Variants in CYFIP1 observed in about 807,000 individuals in gnomAD.
The protein encoded by CYFIP1 is cytoplasmic FMR1 interacting protein 1, also known as cytoplasmic FMR1-interacting protein 1.
Under a neutral mutation model 163.5 loss-of-function variants are expected in CYFIP1, and 58 were observed. That is an observed-to-expected ratio of 0.35 (90% CI 0.29 to 0.44). The LOEUF (loss-of-function observed/expected upper bound fraction) is 0.44. CYFIP1 is among the 20% of genes least tolerant of loss of function. The probability of loss-of-function intolerance (pLI) is 1.00; values close to 1 mark genes in which losing one functional copy is unlikely to be tolerated. For synonymous variants in CYFIP1, 663 were observed against 660.7 expected (o/e 1.00, Z -0.05); for missense variants, 1,338 against 1,653.8 (o/e 0.81, Z 3.31).
intron 26 of CYFIP1, among the ~76,000 whole-genome samples, chr15:22,878,087 G>C (rs1448395347): frequency 1.3e-5 from 2 of 152,184 alleles, no homozygotes; most frequent in Admixed American, 6.5e-5. Flanking sequence ...AAAGACAAGA[G>C]ACTGCTTTGG....
chr15:22,925,351 C>T (rs2061324921), intron 13 of CYFIP1, among the ~76,000 whole-genome samples: 1 of 152,100 alleles, frequency 6.6e-6, no homozygotes, highest in African/African-American at 2.4e-5. Context: ...CCGACAGCAA[C>T]TGACACTGGG....
Position 22,881,763 on chromosome 15 carries a change from A to C in CYFIP1, c.2911+83T>G, listed in dbSNP as rs546302352. The C allele has an allele frequency of 6.0e-6, 8 of 1,338,852 alleles. No homozygotes were observed. In the African/African-American group the frequency reaches 1.0e-4, roughly 17 times the overall value. 82.9% of individuals were successfully genotyped at this position (1,338,852 alleles called of 1,614,324 possible). A position where few individuals can be genotyped will look rare whatever the true frequency, so the allele number is the denominator to read the frequency against. On this transcript the variant is annotated intron_variant, in intron 25 of 30. Coordinates refer to ENST00000617928, the MANE Select transcript of CYFIP1 (RefSeq NM_014608.6). ...CTGCCTCTTCCCACATGGCAAATCT[A>C]ATCCTTCTCAAGAATTTCTGACTTG...
intron 9 of CYFIP1, among the ~76,000 whole-genome samples, chr15:22,934,169 ATTTC>A (rs1190630386): frequency 3.3e-4 from 31 of 93,564 alleles, no homozygotes; most frequent in Middle Eastern, 0.015. Flanking sequence ...AAATCACTGC[ATTTC>A]TTTCTTTTTT....
At position 22,974,574 on chromosome 15, in the gene CYFIP1, C is replaced by CA. The variant is rs2063205395; in HGVS notation, c.-7+5712dup. On this transcript the variant is annotated intron_variant, in intron 1 of 30. Coordinates refer to ENST00000617928, the MANE Select transcript of CYFIP1 (RefSeq NM_014608.6). The stretch of plus-strand genomic sequence containing the variant: ...GAAACCCCTTCCTCTACTAAAAATG[C>CA]AAAAAAATTAGTCAGGCTTGGTGGC... Among the ~76,000 whole-genome samples, 4 of 152,004 alleles carry CA rather than the reference C, an allele frequency of 2.6e-5. No homozygotes were observed. In the South Asian group the frequency reaches 8.3e-4, roughly 32 times the overall value.
rs2305094 is a variant in CYFIP1 at position 22,943,163 on chromosome 15, G to C, written c.569+10C>G. 763,706 of 1,612,000 alleles carry C rather than the reference G, an allele frequency of 0.47. 183,769 individuals carry two copies. The highest frequency in any genetic ancestry group is 0.57 in the Admixed American group (34,375 of 59,852). On this transcript the variant is annotated intron_variant, in intron 6 of 30. Transcript: ENST00000617928. ...CGGGAGGGCCCGCAGTGCGCGAGGT[G>C]GGTGCTCACCTCTTGTACGCTGAGT...
At chr15:22,906,588 C>G (rs1235063704) in intron 21 of CYFIP1, among the ~76,000 whole-genome samples, 1 of 151,892 alleles carries the variant, frequency 6.6e-6, no homozygotes, top group African/African-American at 2.4e-5. Context: ...GCCTCAGCCT[C>G]CTGAGTAGCT....
chr15:22,910,564 G>C lies in CYFIP1; in HGVS notation c.2224C>G (p.Pro742Ala), dbSNP rs2060751210. 6.2e-7 allele frequency: 1 copy of C among 1,614,084 alleles called. No homozygotes were observed. The highest frequency in any genetic ancestry group is 1.1e-5 in the South Asian group (1 of 91,094). The change falls in exon 20 of 31, where the codon CCG (proline) becomes GCG (alanine). Residue 742 changes from proline (P) to alanine (A), a missense_variant. Transcript: ENST00000617928. ...AGCAGCGTCTCGTAGCGGTTAGACG[G>C]CGGGAGGTGGATCGTGGCTCCCTGA... ...KNQGATIHLP[P>A]SNRYETLLKQ...
Position 22,895,567 on chromosome 15 carries a change from T to A in CYFIP1, c.2589-2590A>T, listed in dbSNP as rs77542305. On this transcript the variant is annotated intron_variant, in intron 22 of 30. Coordinates refer to ENST00000617928, the MANE Select transcript of CYFIP1 (RefSeq NM_014608.6). ...TGGCCCAGTTCTAGGAGGCAGTCTC[T>A]ACACCCTCATTTCTGAGTGACAGGA... Among the ~76,000 whole-genome samples, 1,459 of 152,336 alleles carry A rather than the reference T, an allele frequency of 9.6e-3. 23 individuals are homozygous for A. The highest frequency in any genetic ancestry group is 0.034 in the African/African-American group (1,393 of 41,572).
At chr15:22,958,986 C>T (rs1245221872) in intron 1 of CYFIP1, among the ~76,000 whole-genome samples, 3 of 152,200 alleles carry the variant, frequency 2.0e-5, no homozygotes, top group Non-Finnish European at 4.4e-5. Context: ...TCTCCCACAC[C>T]CCTGGGCCAT....
chr15:22,913,256 C>T (rs1031265120), intron 17 of CYFIP1, among the ~76,000 whole-genome samples: 14 of 149,958 alleles, frequency 9.3e-5, no homozygotes, highest in Non-Finnish European at 2.1e-4. Context: ...GGACTGGGCG[C>T]GGTGACTCAT....
At chr15:22,886,628 A>G (rs1312898089) in intron 23 of CYFIP1, among the ~76,000 whole-genome samples, 1 of 152,076 alleles carries the variant, frequency 6.6e-6, no homozygotes, top group African/African-American at 2.4e-5. Context: ...GTTTGAGTTC[A>G]TTGTAGTTGG....
chr15:22,882,899 A>G lies in CYFIP1; in HGVS notation c.2789T>C (p.Met930Thr), dbSNP rs1017781080. 2 of 1,613,862 alleles carry G rather than the reference A, an allele frequency of 1.2e-6. No homozygotes were observed. The highest frequency in any genetic ancestry group is 1.7e-6 in the Non-Finnish European group (2 of 1,179,814). Reference sequence around the variant, plus strand: ...CTTGACGACCTTCAGCAGCTCCTCCATGACCACGGCGATACCCTGGTAGCC... The same window carrying G: ...CTTGACGACCTTCAGCAGCTCCTCCGTGACCACGGCGATACCCTGGTAGCC... Reference protein sequence around the residue: ...LLGYQGIAVVMEELLKVVKSL... With the variant: ...LLGYQGIAVVTEELLKVVKSL... Residue 930 changes from methionine (M) to threonine (T), a missense_variant, in exon 24 of 31, where the codon ATG becomes ACG. Met to Thr is a moderately conservative substitution (Grantham distance 81, BLOSUM62 -1). Coordinates refer to ENST00000617928, the MANE Select transcript of CYFIP1 (RefSeq NM_014608.6).
intron 1 of CYFIP1, among the ~76,000 whole-genome samples, chr15:22,949,576 C>A (rs1285267058): frequency 6.6e-6 from 1 of 152,008 alleles, no homozygotes; most frequent in Non-Finnish European, 1.5e-5. Context: ...CGGTTAAAAG[C>A]AAAAATCAAA....
chr15:22,915,017 G>T lies in CYFIP1; in HGVS notation c.1829-135C>A, dbSNP rs1445006050. The stretch of plus-strand genomic sequence containing the variant: ...CAAGCCATGCAGCATGGACATGAGT[G>T]GGGAGGGGTCACCGGGGCCTTGCAC... On this transcript the variant is annotated intron_variant, in intron 16 of 30. Transcript: ENST00000617928. The T allele has an allele frequency of 3.4e-6, 3 of 885,810 alleles. No homozygotes were observed. The African/African-American group carries it at 5.2e-5, about 15-fold the overall frequency. 54.9% of individuals were successfully genotyped at this position (885,810 alleles called of 1,614,324 possible).
chr15:22,934,485 CTTTTTTTT>C (rs35881374), intron 9 of CYFIP1, among the ~76,000 whole-genome samples: 2 of 49,798 alleles, frequency 4.0e-5, no homozygotes, highest in African/African-American at 8.2e-5. Flanking sequence ...GCACCCAGCC[CTTTTTTTT>C]TTTTTTTTTT....
chr15:22,930,406 A>AAC (rs1444252184), intron 11 of CYFIP1, among the ~76,000 whole-genome samples: 2 of 151,662 alleles, frequency 1.3e-5, no homozygotes, highest in Admixed American at 1.3e-4. Context: ...AAAAAAAAAA[A>AAC]AAAAAACTGT....
intron 13 of CYFIP1, among the ~76,000 whole-genome samples, chr15:22,919,417 G>A (rs1380519200): frequency 1.3e-5 from 2 of 152,184 alleles, no homozygotes; most frequent in African/African-American, 4.8e-5. Context: ...ATTACTTTCT[G>A]AATAAACAAT....
intron 30 of CYFIP1, among the ~76,000 whole-genome samples, chr15:22,872,359 GAGA>G (rs2059459819): frequency 6.6e-6 from 1 of 151,538 alleles, no homozygotes; most frequent in Non-Finnish European, 1.5e-5. Flanking sequence ...AGAATAGAAT[GAGA>G]AGGTCTAACA....
At chr15:22,874,521 A>T (rs776712501) in intron 28 of CYFIP1, 29 bp downstream of exon 28, 1 of 1,522,854 alleles carries the variant, frequency 6.6e-7, no homozygotes, top group Non-Finnish European at 8.8e-7. Context: ...CCAGCTTGCA[A>T]CAGCCACAGC....
Sources: allele counts gnomAD v4.1 joint callset (sites outside exome capture counted in the v4.1 genomes callset), GRCh38; gene constraint gnomAD v4.1.1; transcripts MANE v1.5; gene names NCBI Gene and HGNC (gene_info 2026-07-23, HGNC 2026-07-21).